The following ZNF521 variants were observed in gnomAD, a reference collection of about 807,000 sequenced individuals.
ZNF521 encodes LYST-interacting protein 3.
ZNF521 carries 14 observed loss-of-function variants against 105.5 expected under a neutral mutation model. The observed-to-expected ratio is 0.13, with a 90% confidence interval of 0.09 to 0.21. The LOEUF is 0.21. Among genes scored for constraint, ZNF521 ranks in the 10% least tolerant of loss-of-function variants. The probability of loss-of-function intolerance (pLI) is 1.00; values close to 1 mark genes in which losing one functional copy is unlikely to be tolerated. For missense variants in ZNF521, 1,233 were observed against 1,629.7 expected (o/e 0.76, Z 4.19); for synonymous variants, 635 against 606.0 (o/e 1.05, Z -0.70).
At chr18:25,342,460 C>G (rs1356091588) in intron 2 of ZNF521, among the ~76,000 whole-genome samples, 1 of 149,724 alleles carries the variant, frequency 6.7e-6, no homozygotes, top group African/African-American at 2.5e-5. Flanking sequence ...CTCGCTCTGT[C>G]GCCCAGGCTG....
intron 5 of ZNF521, among the ~76,000 whole-genome samples, chr18:25,192,668 T>C (rs1202359067): frequency 6.7e-6 from 1 of 149,238 alleles, no homozygotes; most frequent in Non-Finnish European, 1.5e-5. Flanking sequence ...AAATGTCTAG[T>C]TGAGATTATT....
intron 4 of ZNF521, among the ~76,000 whole-genome samples, chr18:25,207,585 C>T (rs2036105485): frequency 6.6e-6 from 1 of 152,198 alleles, no homozygotes; most frequent in Admixed American, 6.5e-5. Flanking sequence ...TAAGCTCTCA[C>T]ACCCAGCACA....
intron 5 of ZNF521, among the ~76,000 whole-genome samples, chr18:25,142,738 C>G (rs1398826818): frequency 7.7e-6 from 1 of 130,698 alleles, no homozygotes; most frequent in Non-Finnish European, 1.6e-5. Context: ...TTTCATAGAT[C>G]CTGTACATTC....
chr18:25,282,959 T>A (rs933352689), intron 3 of ZNF521, among the ~76,000 whole-genome samples: 1 of 152,236 alleles, frequency 6.6e-6, no homozygotes, highest in Non-Finnish European at 1.5e-5. Flanking sequence ...TTTCAGTGAA[T>A]CCTTAAAGTG....
chr18:25,075,146 A>T (rs1390883105), intron 7 of ZNF521, among the ~76,000 whole-genome samples: 1 of 152,202 alleles, frequency 6.6e-6, no homozygotes, highest in African/African-American at 2.4e-5. Context: ...AGGGCCAGGC[A>T]ACGGGAGGCC....
intron 5 of ZNF521, among the ~76,000 whole-genome samples, chr18:25,166,833 C>T (rs747170943): frequency 2.0e-5 from 3 of 152,122 alleles, no homozygotes; most frequent in Non-Finnish European, 4.4e-5. Context: ...TCCAACTCCA[C>T]CTATAACTGT....
chr18:25,117,185 C>G (rs953163723), intron 5 of ZNF521, among the ~76,000 whole-genome samples: 2 of 151,128 alleles, frequency 1.3e-5, no homozygotes, highest in African/African-American at 4.9e-5. Flanking sequence ...TATGTGTTTC[C>G]CCATCTCTAC....
chr18:25,195,312 A>T, intron 4 of ZNF521, 68 bp from the exon 5 acceptor site: 1 of 1,302,872 alleles, frequency 7.7e-7, no homozygotes, highest in South Asian at 1.3e-5. Flanking sequence ...TGTTTAAAAA[A>T]CATTTTTCTG....
intron 3 of ZNF521, among the ~76,000 whole-genome samples, chr18:25,276,352 T>C (rs1039230050): frequency 6.6e-6 from 1 of 152,144 alleles, no homozygotes; most frequent in Non-Finnish European, 1.5e-5. Flanking sequence ...TCCTGAGAGA[T>C]ATACAAAATT....
At chr18:25,238,894 T>A (rs988438752) in intron 3 of ZNF521, among the ~76,000 whole-genome samples, 1 of 152,144 alleles carries the variant, frequency 6.6e-6, no homozygotes, top group Non-Finnish European at 1.5e-5. Context: ...CTCCCTTTTT[T>A]AGCAAGTTTC....
chr18:25,225,648 C>T lies in ZNF521; in HGVS notation c.2270G>A (p.Cys757Tyr). The T allele has an allele frequency of 6.2e-7, 1 of 1,614,142 alleles. No individual in the cohort carries two copies. The highest frequency in any genetic ancestry group is 8.5e-7 in the Non-Finnish European group (1 of 1,180,026). The change falls in exon 4 of 8, where the codon TGC becomes TAC. Residue 757 changes from cysteine to tyrosine, a missense_variant. Physicochemically the swap from Cys to Tyr is radical, Grantham distance 194. Transcript: ENST00000361524. This position sits in a 1 kb window ranked among gnomAD's most constrained non-coding sequence, Gnocchi z 5.6. ...AGTTTCGTTGCGGAAGTCCCAGTTG[C>T]AAGATGTGCACCTATAGACTTTCTT... is the stretch of plus-strand genomic sequence containing the variant. The part of the protein sequence containing the change: ...NEKKVYRCTS[C>Y]NWDFRNETDL...
chr18:25,083,020 A>G (rs1296143921), intron 7 of ZNF521, among the ~76,000 whole-genome samples: 1 of 152,102 alleles, frequency 6.6e-6, no homozygotes, highest in Non-Finnish European at 1.5e-5. Flanking sequence ...CGCTTGGAGG[A>G]AAATATGAAA....
chr18:25,078,468 G>A (rs755818122), intron 7 of ZNF521, among the ~76,000 whole-genome samples: 17 of 152,136 alleles, frequency 1.1e-4, no homozygotes, highest in Non-Finnish European at 1.3e-4. Flanking sequence ...TGTGACTAAT[G>A]CCACCCAAAC....
intron 3 of ZNF521, among the ~76,000 whole-genome samples, chr18:25,297,978 C>A (rs946485601): frequency 6.6e-6 from 1 of 152,106 alleles, no homozygotes; most frequent in Non-Finnish European, 1.5e-5. Flanking sequence ...ATTCATCAAA[C>A]ATTTACTGGG....
chr18:25,263,766 C>T (rs901960433), intron 3 of ZNF521, among the ~76,000 whole-genome samples: 6 of 152,164 alleles, frequency 3.9e-5, no homozygotes, highest in East Asian at 3.9e-4. Context: ...TCAGTAGAGA[C>T]GAGGTTTCAC....
At chr18:25,312,584 G>A (rs1210171049) in intron 3 of ZNF521, among the ~76,000 whole-genome samples, 1 of 37,596 alleles carries the variant, frequency 2.7e-5, no homozygotes. Context: ...AGGCCGAGGC[G>A]GGTGGATCAT....
intron 5 of ZNF521, among the ~76,000 whole-genome samples, chr18:25,116,913 G>GTA (rs1491483791): frequency 4.7e-5 from 6 of 127,896 alleles, no homozygotes; most frequent in East Asian, 4.4e-4. Context: ...GTATATATAC[G>GTA]TATATCTATG....
intron 5 of ZNF521, among the ~76,000 whole-genome samples, chr18:25,116,927 A>ATATATACGTATATATACACATATATATG (rs2034325239): frequency 2.8e-5 from 4 of 143,664 alleles, no homozygotes; most frequent in African/African-American, 1.1e-4. Context: ...ATCTATGTAT[A>ATATATACGTATATATACACATATATATG]TATATACGTA....
In ZNF521 at chr18:25,292,280, T is replaced by C. The variant is rs1021625216; in HGVS notation, c.220+29728A>G. 2.8e-5 allele frequency among the ~76,000 whole-genome samples: 4 copies of C among 143,694 alleles called. No homozygotes were observed. The East Asian group carries it at 7.7e-4, about 28-fold the overall frequency. 94.3% of individuals were successfully genotyped at this position (143,694 alleles called of 152,430 possible). ...CTTTATTCTGGTGAATCTCATAGAT[T>C]TACTGTGAAAAAAATGTCTAATTTC... On this transcript the variant is annotated intron_variant, in intron 3 of 7. Transcript: ENST00000361524.
Sources: allele counts gnomAD v4.1 joint callset (sites outside exome capture counted in the v4.1 genomes callset), GRCh38; gene constraint gnomAD v4.1.1; non-coding constraint Gnocchi (gnomAD v3.1); transcripts MANE v1.5; gene names NCBI Gene and HGNC (gene_info 2026-07-23, HGNC 2026-07-21).